Variants in ADK observed in about 807,000 individuals in gnomAD.
The protein encoded by ADK is adenosine kinase, also known as N6,N6-dimethyladenosine kinase.
In ADK, 24 loss-of-function variants were observed where a neutral mutation model predicts 44.7. The observed-to-expected ratio is 0.54, with a 90% confidence interval of 0.39 to 0.76. The LOEUF (loss-of-function observed/expected upper bound fraction) is 0.76, where lower values mean the gene tolerates loss of function less well. Among genes scored for constraint, ADK ranks in the 30% least tolerant of loss-of-function variants. The probability of loss-of-function intolerance (pLI) is 0.00; values close to 1 mark genes in which losing one functional copy is unlikely to be tolerated. For missense variants in ADK, 321 were observed against 425.1 expected, an observed-to-expected ratio of 0.76 and a Z score of 2.15; for synonymous variants, 128 against 142.6, an observed-to-expected ratio of 0.90 and a Z score of 0.73.
intron 3 of ADK, among the ~76,000 whole-genome samples, chr10:74,266,952 T>C (rs1323950818): frequency 2.0e-5 from 3 of 152,180 alleles, no homozygotes; most frequent in East Asian, 1.9e-4. Context: ...GGGTTCCACA[T>C]TGGTGGATTA....
intron 10 of ADK, among the ~76,000 whole-genome samples, chr10:74,685,438 G>A (rs568035965): frequency 2.4e-4 from 37 of 152,290 alleles, no homozygotes; most frequent in African/African-American, 8.7e-4. Context: ...TCTTTGAAAT[G>A]CTTTGTCACG....
rs1264655017 is a variant in ADK at position 74,708,740 on chromosome 10, C to T, written c.*295C>T. ...TTCATTTTCAATTACTTTGTAAATT[C>T]GTGTGTATTTAGTACACTGATTTGT... On this transcript the variant is annotated 3_prime_UTR_variant, in exon 11 of 11. Transcript: ENST00000539909. 2.9e-5 allele frequency: 9 copies of T among 306,482 alleles called. No homozygotes were observed. Among genetic ancestry groups the T allele is most frequent in the Non-Finnish European group, 4.4e-5 (7 of 157,328 alleles). 19.0% of individuals were successfully genotyped at this position (306,482 alleles called of 1,614,324 possible).
At chr10:74,685,540 G>A (rs908445039) in intron 10 of ADK, among the ~76,000 whole-genome samples, 3 of 152,152 alleles carry the variant, frequency 2.0e-5, no homozygotes, top group African/African-American at 7.2e-5. Context: ...TTGCATAAGA[G>A]GGCACCTCTA....
intron 3 of ADK, among the ~76,000 whole-genome samples, chr10:74,229,689 G>T (rs547927427): frequency 1.3e-5 from 2 of 152,100 alleles, no homozygotes; most frequent in Non-Finnish European, 2.9e-5. Flanking sequence ...GAGCCACCGC[G>T]CCCGGTCTGG....
chr10:74,307,325 T>C (rs928002899), intron 3 of ADK, among the ~76,000 whole-genome samples: 5 of 152,240 alleles, frequency 3.3e-5, no homozygotes, highest in African/African-American at 9.6e-5. Flanking sequence ...GCAAACTAGC[T>C]GTGTGTTTTA....
rs374613375 is a variant in ADK at position 74,314,225 on chromosome 10, T to G, written c.195-442T>G. 2.6e-5 allele frequency among the ~76,000 whole-genome samples: 4 copies of G among 152,112 alleles called. No individual in the cohort carries two copies. The East Asian group carries it at 5.8e-4, about 22-fold the overall frequency. On this transcript the variant is annotated intron_variant, in intron 3 of 10. Coordinates refer to ENST00000539909, the MANE Select transcript of ADK (RefSeq NM_006721.4). The stretch of plus-strand genomic sequence containing the variant: ...TCTTGAACTGATTCCAAGGGTAACA[T>G]TAAGTGAAATTTTGTTTAGTTTCTA...
chr10:74,258,923 TTTG>T (rs1358194267), intron 3 of ADK, among the ~76,000 whole-genome samples: 5 of 150,946 alleles, frequency 3.3e-5, no homozygotes, highest in Middle Eastern at 3.5e-3. Context: ...GAATATCTTT[TTTG>T]TTGTTGTTGT....
intron 10 of ADK, 69 bp downstream of exon 10, chr10:74,670,338 C>A: frequency 1.7e-6 from 2 of 1,192,606 alleles, no homozygotes; most frequent in Non-Finnish European, 2.5e-6. Flanking sequence ...ACCATATAAC[C>A]AAGATTTATT....
At chr10:74,304,858 A>T (rs1840191114) in intron 3 of ADK, among the ~76,000 whole-genome samples, 1 of 152,178 alleles carries the variant, frequency 6.6e-6, no homozygotes, top group Admixed American at 6.5e-5. Flanking sequence ...ATATCGTGGA[A>T]CACAAAAAGA....
At chr10:74,192,803 G>A (rs1256233649) in intron 1 of ADK, among the ~76,000 whole-genome samples, 2 of 152,218 alleles carry the variant, frequency 1.3e-5, no homozygotes, top group Non-Finnish European at 2.9e-5. Flanking sequence ...TGGGATTACA[G>A]GTGTGAGCCA....
chr10:74,341,944 G>T (rs779122736), intron 4 of ADK, among the ~76,000 whole-genome samples: 4 of 151,872 alleles, frequency 2.6e-5, no homozygotes, highest in African/African-American at 9.7e-5. Flanking sequence ...ATCACTTCTT[G>T]GTACCTTTCT....
chr10:74,661,219 T>G (rs927076104), intron 9 of ADK: 4 of 657,796 alleles, frequency 6.1e-6, no homozygotes, highest in Admixed American at 6.3e-5. Flanking sequence ...TAAGGGAATT[T>G]AAATGTCAGT....
intron 1 of ADK, among the ~76,000 whole-genome samples, chr10:74,196,505 A>AT (rs1313380150): frequency 1.3e-5 from 2 of 152,208 alleles, no homozygotes; most frequent in African/African-American, 4.8e-5. Flanking sequence ...GCGCTACTGC[A>AT]TTCCAGCCTG....
intron 2 of ADK, among the ~76,000 whole-genome samples, chr10:74,215,125 T>C (rs1843962767): frequency 6.6e-6 from 1 of 152,170 alleles, no homozygotes; most frequent in East Asian, 1.9e-4. Context: ...TTTTCTCCAG[T>C]AATTTAGGGC....
At chr10:74,432,474 T>A (rs1347300331) in intron 6 of ADK, among the ~76,000 whole-genome samples, 1 of 152,214 alleles carries the variant, frequency 6.6e-6, no homozygotes, top group Non-Finnish European at 1.5e-5. Context: ...TTAGCACTGC[T>A]CTTAGTATTA....
At chr10:74,619,868 A>G (rs1371933093) in intron 9 of ADK, among the ~76,000 whole-genome samples, 1 of 152,042 alleles carries the variant, frequency 6.6e-6, no homozygotes, top group Admixed American at 6.6e-5. Context: ...CTACAGGCAC[A>G]TGCCACCACA....
At chr10:74,209,733 A>G (rs1426901634) in intron 2 of ADK, among the ~76,000 whole-genome samples, 1 of 152,162 alleles carries the variant, frequency 6.6e-6, no homozygotes, top group African/African-American at 2.4e-5. Flanking sequence ...CAAAAAAAGA[A>G]TTGAAAGTTA....
chr10:74,697,128 A>G (rs149255133), intron 10 of ADK, among the ~76,000 whole-genome samples: 137 of 152,326 alleles, frequency 9.0e-4, no homozygotes, highest in African/African-American at 2.9e-3. Context: ...TCTACTATAT[A>G]TAAAAGGTTT....
At chr10:74,400,034 G>A (rs1843655556) in intron 6 of ADK, among the ~76,000 whole-genome samples, 2 of 152,026 alleles carry the variant, frequency 1.3e-5, no homozygotes, top group African/African-American at 4.8e-5. Flanking sequence ...CATAGTTTTA[G>A]CATTTATGCA....
Sources: allele counts gnomAD v4.1 joint callset (sites outside exome capture counted in the v4.1 genomes callset), GRCh38; gene constraint gnomAD v4.1.1; transcripts MANE v1.5; gene names NCBI Gene and HGNC (gene_info 2026-07-23, HGNC 2026-07-21).